Variants in SLC16A10 observed in about 807,000 individuals in gnomAD.
SLC16A10 encodes monocarboxylate transporter 10.
In SLC16A10, 27 loss-of-function variants were observed where a neutral mutation model predicts 40.0. The ratio of observed to expected loss-of-function variants is 0.67; its 90% CI spans 0.50 to 0.93. SLC16A10 has a LOEUF of 0.93. SLC16A10 is among the 40% of genes least tolerant of loss of function. SLC16A10 has a pLI of 0.00. For synonymous variants in SLC16A10, 213 were observed against 249.8 expected (o/e 0.85, Z 1.39); for missense variants, 529 against 658.2 (o/e 0.80, Z 2.15).
intron 1 of SLC16A10, among the ~76,000 whole-genome samples, chr6:111,095,209 C>T (rs1468273539): frequency 6.6e-6 from 1 of 152,212 alleles, no homozygotes; most frequent in African/African-American, 2.4e-5. Context: ...GTTACACTGG[C>T]CCAAATTTGT....
intron 1 of SLC16A10, among the ~76,000 whole-genome samples, chr6:111,133,000 T>C (rs1397717910): frequency 1.3e-5 from 2 of 152,208 alleles, no homozygotes; most frequent in Non-Finnish European, 2.9e-5. Flanking sequence ...CTACACCCTC[T>C]CTGAAATGAA....
At chr6:111,155,022 C>CAAA (rs397888706) in intron 1 of SLC16A10, among the ~76,000 whole-genome samples, 38 of 53,364 alleles carry the variant, frequency 7.1e-4, no homozygotes, top group Non-Finnish European at 8.6e-4. Flanking sequence ...GACTCCATCT[C>CAAA]AAAAAAAAAA....
intron 1 of SLC16A10, among the ~76,000 whole-genome samples, chr6:111,111,690 A>G (rs1771389223): frequency 6.6e-6 from 1 of 152,176 alleles, no homozygotes. Context: ...AGCCTCTGAG[A>G]CCATTGTACT....
chr6:111,123,012 C>T (rs570224641), intron 1 of SLC16A10, among the ~76,000 whole-genome samples: 1 of 152,200 alleles, frequency 6.6e-6, no homozygotes, highest in Non-Finnish European at 1.5e-5. Flanking sequence ...TATATTTTTA[C>T]ACTTGCCTTT....
At position 111,096,823 on chromosome 6, in the gene SLC16A10, C is replaced by CT. The variant is rs79384362; in HGVS notation, c.343+8736dup. ...TCTTTTTTCTTTCTTTCTTTCTTTT[C>CT]TTTTTTTTGTTAAGAGACAGGGTCT... is the stretch of plus-strand genomic sequence containing the variant. On this transcript the variant is annotated intron_variant, in intron 1 of 5. Coordinates refer to ENST00000368851, the MANE Select transcript of SLC16A10 (RefSeq NM_018593.5). 3.8e-3 allele frequency among the ~76,000 whole-genome samples: 570 copies of CT among 151,680 alleles called. 26 individuals carry two copies. The East Asian group carries it at 0.09, about 24-fold the overall frequency.
At chr6:111,186,946 T>C (rs1328841326) in intron 3 of SLC16A10, among the ~76,000 whole-genome samples, 2 of 152,162 alleles carry the variant, frequency 1.3e-5, no homozygotes, top group Non-Finnish European at 2.9e-5. Flanking sequence ...ATGGAATCCC[T>C]ATATCTCTGT....
intron 1 of SLC16A10, among the ~76,000 whole-genome samples, chr6:111,163,412 A>G (rs948565833): frequency 2.0e-5 from 3 of 152,084 alleles, no homozygotes; most frequent in Non-Finnish European, 2.9e-5. Context: ...TCGGCCTCCC[A>G]AAGTGCTGGG....
rs532883079 is a variant in SLC16A10, at chr6:111,146,629, C to T, written c.344-26066C>T. ...GGGGGCGCCTGTAGTCCCAGCTACTCGGGAGGCTGAGGCAGGAGAATGTCG... is the reference window on the plus strand; with the variant it reads ...GGGGGCGCCTGTAGTCCCAGCTACTTGGGAGGCTGAGGCAGGAGAATGTCG... On this transcript the variant is annotated intron_variant, in intron 1 of 5. Transcript: ENST00000368851. Among the ~76,000 whole-genome samples the T allele has an allele frequency of 3.3e-5, 5 of 151,904 alleles. No individual in the cohort carries two copies. The South Asian group carries it at 6.2e-4, about 19-fold the overall frequency.
chr6:111,146,826 A>G (rs1358788624), intron 1 of SLC16A10, among the ~76,000 whole-genome samples: 4 of 152,238 alleles, frequency 2.6e-5, no homozygotes, highest in African/African-American at 9.6e-5. Flanking sequence ...AGATGAATGG[A>G]TAAGCAAAAC....
At chr6:111,147,543 C>A (rs1772101650) in intron 1 of SLC16A10, among the ~76,000 whole-genome samples, 1 of 152,098 alleles carries the variant, frequency 6.6e-6, no homozygotes, top group African/African-American at 2.4e-5. Context: ...TGAATTGGAA[C>A]AGGAAGAAAA....
At chr6:111,183,587 C>T (rs1716858581) in intron 3 of SLC16A10, among the ~76,000 whole-genome samples, 1 of 152,128 alleles carries the variant, frequency 6.6e-6, no homozygotes, top group African/African-American at 2.4e-5. Context: ...TACTTTGATG[C>T]TATAATGATT....
chr6:111,213,921 G>A (rs146648305), intron 4 of SLC16A10, among the ~76,000 whole-genome samples: 208 of 152,264 alleles, frequency 1.4e-3, no homozygotes, highest in African/African-American at 4.7e-3. Flanking sequence ...CTTTATATGG[G>A]CTAAACTTTA....
intron 3 of SLC16A10, among the ~76,000 whole-genome samples, chr6:111,185,205 A>T (rs1472182107): frequency 6.6e-6 from 1 of 152,238 alleles, no homozygotes; most frequent in East Asian, 1.9e-4. Context: ...GTTCAAAGCC[A>T]TTCGCATTAT....
chr6:111,105,472 TG>T (rs1013650973), intron 1 of SLC16A10, among the ~76,000 whole-genome samples: 19 of 152,208 alleles, frequency 1.2e-4, no homozygotes, highest in Admixed American at 1.0e-3. Context: ...TTGAGAAATA[TG>T]GACTGTTTTT....
At chr6:111,168,333 T>C (rs992297282) in intron 1 of SLC16A10, among the ~76,000 whole-genome samples, 2 of 152,238 alleles carry the variant, frequency 1.3e-5, no homozygotes, top group Non-Finnish European at 2.9e-5. Context: ...GTAGTAGCTA[T>C]GTACTTCAGT....
chr6:111,196,342 A>C (rs1773079675), intron 3 of SLC16A10, among the ~76,000 whole-genome samples: 1 of 152,108 alleles, frequency 6.6e-6, no homozygotes, highest in Admixed American at 6.5e-5. Flanking sequence ...TGTCTCAAAA[A>C]AATAAAAATA....
rs544761994 is a variant in SLC16A10 at position 111,130,201 on chromosome 6, A to G, written c.343+42106A>G. 3.9e-5 allele frequency among the ~76,000 whole-genome samples: 6 copies of G among 152,332 alleles called. No individual in the cohort carries two copies. The South Asian group carries it at 1.2e-3, about 32-fold the overall frequency. On this transcript the variant is annotated intron_variant, in intron 1 of 5. Transcript: ENST00000368851. ...CAAAAAACAAGAGACACATGTTAGT[A>G]CTGTAGCATGTATAGTCATGGGGAA...
intron 3 of SLC16A10, among the ~76,000 whole-genome samples, chr6:111,202,809 T>C (rs366751): frequency 0.82 from 122,068 of 148,486 alleles, 50,114 homozygotes; most frequent in Non-Finnish European, 0.86. Context: ...ATTGCTTGAA[T>C]CCGGGAGGCG....
intron 3 of SLC16A10, chr6:111,178,628 A>T (rs1034630279): frequency 1.1e-4 from 24 of 220,082 alleles, no homozygotes; most frequent in Non-Finnish European, 1.9e-4. Flanking sequence ...AAAAGTGTTC[A>T]TTATGTTTCT....
Sources: gnomAD v4.1 joint callset for allele counts (sites outside exome capture counted in the v4.1 genomes callset) on GRCh38, gnomAD v4.1.1 for gene constraint, MANE v1.5 for transcripts, NCBI Gene and HGNC (gene_info 2026-07-23, HGNC 2026-07-21) for gene names.